MLIP: variants seen among roughly 807,000 people sequenced by gnomAD.
MLIP encodes muscular LMNA interacting protein, also known as muscular LMNA-interacting protein.
A neutral mutation model predicts 84.8 loss-of-function variants in MLIP; 79 were observed. The observed-to-expected ratio is 0.93, with a 90% confidence interval of 0.78 to 1.12. The LOEUF is 1.12. MLIP is among the 50% of genes most tolerant of loss of function. The pLI is 0.00. For missense variants in MLIP, 1,257 were observed against 1,160.6 expected (o/e 1.08, Z -1.21); for synonymous variants, 504 against 463.0 (o/e 1.09, Z -1.14).
intron 1 of MLIP, among the ~76,000 whole-genome samples, chr6:54,071,119 T>A (rs944425358): frequency 3.3e-5 from 5 of 152,150 alleles, no homozygotes; most frequent in African/African-American, 1.2e-4. Flanking sequence ...GTATTTGCAT[T>A]TTTAAAAAGA....
In MLIP at chr6:54,124,463, T is replaced by C. The variant is rs1429073580; in HGVS notation, c.253-10T>C. ...ATGTCAATGCTTTTATCTCTCTACA[T>C]CTATTACAGTCTAAATCCAATGACT... On this transcript the variant is annotated splice_polypyrimidine_tract_variant and intron_variant, in intron 2 of 13. Transcript: ENST00000502396. 1 of 1,607,684 alleles carries C rather than the reference T, an allele frequency of 6.2e-7. No individual in the cohort carries two copies. The highest frequency in any genetic ancestry group is 8.5e-7 in the Non-Finnish European group (1 of 1,176,290).
At position 54,137,254 on chromosome 6, in the gene MLIP, G is replaced by C; in HGVS notation, c.1185G>C (p.Met395Ile). Residue 395 changes from methionine (M) to isoleucine (I), a missense_variant, in exon 4 of 14, where the codon ATG becomes ATC. Coordinates refer to ENST00000502396, the MANE Select transcript of MLIP (RefSeq NM_001281747.2). ...CTTCTTCCACCATCTGCAGCCAAAT[G>C]TCATCTAGTGGAAATCTTTCAAAGT... is the stretch of plus-strand genomic sequence containing the variant. The part of the protein sequence containing the change: ...HGSSSTICSQ[M>I]SSSGNLSKSG... The C allele has an allele frequency of 6.5e-7, 1 of 1,535,996 alleles. No individual in the cohort carries two copies.
intron 1 of MLIP, among the ~76,000 whole-genome samples, chr6:54,114,461 A>G (rs1769737120): frequency 6.6e-6 from 1 of 152,176 alleles, no homozygotes; most frequent in Non-Finnish European, 1.5e-5. Context: ...TTGTCTACCC[A>G]TCTTGATTTT....
chr6:54,084,703 C>T (rs1365384675), intron 1 of MLIP, among the ~76,000 whole-genome samples: 1 of 152,048 alleles, frequency 6.6e-6, no homozygotes, highest in African/African-American at 2.4e-5. Flanking sequence ...AGTATATTTT[C>T]ATTGCATTTT....
At chr6:54,026,179 A>G (rs1357564213) in intron 1 of MLIP, among the ~76,000 whole-genome samples, 2 of 152,162 alleles carry the variant, frequency 1.3e-5, no homozygotes, top group African/African-American at 4.8e-5. Context: ...GAGGTAAGAC[A>G]TTTCCGAGAT....
intron 11 of MLIP, among the ~76,000 whole-genome samples, chr6:54,220,990 A>G (rs1028332982): frequency 6.6e-6 from 1 of 152,174 alleles, no homozygotes; most frequent in Admixed American, 6.6e-5. Flanking sequence ...AAGGATTATG[A>G]AAATCTTTGG....
At chr6:54,244,755 G>T (rs945019605) in intron 12 of MLIP, among the ~76,000 whole-genome samples, 4 of 152,162 alleles carry the variant, frequency 2.6e-5, no homozygotes, top group Non-Finnish European at 5.9e-5. Context: ...CCAGGAAACT[G>T]AGAACAATCA....
intron 9 of MLIP, among the ~76,000 whole-genome samples, chr6:54,181,565 A>G (rs1472846852): frequency 6.6e-6 from 1 of 152,260 alleles, no homozygotes; most frequent in South Asian, 2.1e-4. Flanking sequence ...ACTTTTCCCT[A>G]TGCTTTTCTC....
At chr6:54,082,364 C>T (rs1767214567) in intron 1 of MLIP, among the ~76,000 whole-genome samples, 1 of 152,122 alleles carries the variant, frequency 6.6e-6, no homozygotes. Flanking sequence ...GGAGGAACTG[C>T]CGAACATGTA....
At chr6:54,216,951 T>TTTA in intron 11 of MLIP, 1 of 985,436 alleles carries the variant, frequency 1.0e-6, no homozygotes, top group Non-Finnish European at 1.2e-6. Flanking sequence ...TGTTCATGAT[T>TTTA]TTATTAGCAA....
intron 4 of MLIP, 126 bp downstream of exon 4, chr6:54,138,412 C>A: frequency 9.5e-7 from 1 of 1,050,834 alleles, no homozygotes; most frequent in Non-Finnish European, 1.3e-6. Context: ...AGAAAAAGTG[C>A]AAGACGGTAC....
chr6:54,044,821 G>A (rs947831050), intron 1 of MLIP, among the ~76,000 whole-genome samples: 3 of 152,108 alleles, frequency 2.0e-5, no homozygotes, highest in African/African-American at 7.2e-5. Context: ...AGGGAACTAA[G>A]AGCTCTTGCT....
intron 1 of MLIP, among the ~76,000 whole-genome samples, chr6:54,034,397 A>G (rs1764309198): frequency 6.6e-6 from 1 of 152,206 alleles, no homozygotes; most frequent in Admixed American, 6.5e-5. Flanking sequence ...GTTTTGGTCA[A>G]TGATGAACTG....
upstream of MLIP, among the ~76,000 whole-genome samples, chr6:54,111,233 CT>C (rs1466964243): frequency 1.3e-5 from 2 of 151,358 alleles, no homozygotes; most frequent in African/African-American, 4.9e-5. Context: ...TTTTCTTTTT[CT>C]TTTTTTCACT....
intron 5 of MLIP, among the ~76,000 whole-genome samples, chr6:54,150,100 C>T (rs536501493): frequency 1.3e-5 from 2 of 152,086 alleles, no homozygotes; most frequent in Non-Finnish European, 2.9e-5. Flanking sequence ...CATTCTTATT[C>T]TTTTAGCATG....
chr6:54,093,790 A>G (rs1561924362), intron 1 of MLIP, among the ~76,000 whole-genome samples: 1 of 152,212 alleles, frequency 6.6e-6, no homozygotes, highest in Non-Finnish European at 1.5e-5. Context: ...GAACATAGGC[A>G]CACCTATTTC....
chr6:54,050,985 G>A (rs868721096), intron 1 of MLIP, among the ~76,000 whole-genome samples: 16 of 152,052 alleles, frequency 1.1e-4, no homozygotes, highest in Admixed American at 9.8e-4. Context: ...TCCTACAGAC[G>A]TTTCCAATGC....
chr6:54,100,456 A>G (rs1768559923), intron 1 of MLIP, among the ~76,000 whole-genome samples: 1 of 152,108 alleles, frequency 6.6e-6, no homozygotes, highest in Non-Finnish European at 1.5e-5. Flanking sequence ...AAAATTTTTA[A>G]AAATGTTTTC....
intron 10 of MLIP, among the ~76,000 whole-genome samples, chr6:54,199,093 A>C (rs539253416): frequency 6.6e-6 from 1 of 152,282 alleles, no homozygotes; most frequent in East Asian, 1.9e-4. Context: ...TGACAGTGGA[A>C]ATAAAACAGA....
Sources: allele counts gnomAD v4.1 joint callset (sites outside exome capture counted in the v4.1 genomes callset), GRCh38; gene constraint gnomAD v4.1.1; transcripts MANE v1.5; gene names NCBI Gene and HGNC (gene_info 2026-07-23, HGNC 2026-07-21).